Variants in PHF24 observed in about 807,000 individuals in gnomAD.
The protein encoded by PHF24 is PHD finger protein 24.
PHF24 carries 25 observed loss-of-function variants against 42.6 expected under a neutral mutation model. The ratio of observed to expected loss-of-function variants is 0.59; its 90% CI spans 0.43 to 0.82. The LOEUF (loss-of-function observed/expected upper bound fraction) is 0.82. Ranked by LOEUF, PHF24 falls within the 40% of genes least tolerant of loss-of-function variation. The pLI is 0.00. For synonymous variants in PHF24, 185 were observed against 204.8 expected, an observed-to-expected ratio of 0.90 and a Z score of 0.83; for missense variants, 470 against 538.1, an observed-to-expected ratio of 0.87 and a Z score of 1.25.
chr9:34,778,424 G>T, the PHF24 span, among the ~76,000 whole-genome samples: 3 of 152,188 alleles, frequency 2.0e-5, no homozygotes, highest in Non-Finnish European at 4.4e-5. Context: ...TAAAAGGATA[G>T]CATAAGGTGT....
At chr9:34,976,991 G>T (rs1409854006) in intron 5 of PHF24, 92 bp from the exon 6 acceptor site, 3 of 1,396,288 alleles carry the variant, frequency 2.1e-6, no homozygotes, top group Non-Finnish European at 9.7e-7. Context: ...TTCTAAGGGA[G>T]GTTGCAAAGG....
At chr9:34,901,036 A>G in the PHF24 span, among the ~76,000 whole-genome samples, 2 of 152,226 alleles carry the variant, frequency 1.3e-5, no homozygotes, top group Admixed American at 1.3e-4. Flanking sequence ...GAAATAGATA[A>G]CCTGAATGGC....
chr9:34,673,781 C>T, the PHF24 span, among the ~76,000 whole-genome samples: 2 of 152,150 alleles, frequency 1.3e-5, no homozygotes, highest in Non-Finnish European at 1.5e-5. Context: ...GCTGCCAAAC[C>T]TGGCTAATTT....
the PHF24 span, among the ~76,000 whole-genome samples, chr9:34,817,993 A>G: frequency 6.6e-6 from 1 of 152,076 alleles, no homozygotes. Flanking sequence ...TTTTTTTCAA[A>G]TTGTTCATTG....
the PHF24 span, among the ~76,000 whole-genome samples, chr9:34,690,694 C>T: frequency 2.4e-4 from 36 of 152,102 alleles, no homozygotes; most frequent in Non-Finnish European, 5.0e-4. Flanking sequence ...GTGGGAGGGG[C>T]GTGGGGTAGG....
At chr9:34,892,694 G>T in the PHF24 span, 9,194 of 459,142 alleles carry the variant, frequency 0.02, 472 homozygotes, top group African/African-American at 0.13. Context: ...GTTGTTTTTC[G>T]TCCTCTCCTG....
the PHF24 span, among the ~76,000 whole-genome samples, chr9:34,898,964 T>A: frequency 6.6e-6 from 1 of 152,256 alleles, no homozygotes. Context: ...AGCCAAGGGC[T>A]GAGCCAAAAA....
the PHF24 span, among the ~76,000 whole-genome samples, chr9:34,707,645 C>T: frequency 6.6e-6 from 1 of 152,292 alleles, no homozygotes; most frequent in East Asian, 1.9e-4. Flanking sequence ...GTGGCATACT[C>T]AGGCTCCTAC....
chr9:34,889,644 A>T, the PHF24 span: 10 of 398,426 alleles, frequency 2.5e-5, no homozygotes, highest in Non-Finnish European at 4.4e-6. Flanking sequence ...TTCTGGAAGG[A>T]TGATGCTCTT....
chr9:34,672,424 C>T, the PHF24 span, among the ~76,000 whole-genome samples: 2 of 152,094 alleles, frequency 1.3e-5, no homozygotes, highest in African/African-American at 4.8e-5. Flanking sequence ...AGAAGAGCAC[C>T]TGTATCTTAG....
chr9:34,753,145 A>G, the PHF24 span, among the ~76,000 whole-genome samples: 1 of 152,170 alleles, frequency 6.6e-6, no homozygotes, highest in African/African-American at 2.4e-5. Context: ...TGTTTTCACC[A>G]TTGTACTGGA....
At chr9:34,702,426 T>C in the PHF24 span, among the ~76,000 whole-genome samples, 1 of 152,338 alleles carries the variant, frequency 6.6e-6, no homozygotes, top group East Asian at 1.9e-4. Flanking sequence ...AGTTATTCTC[T>C]TAATATTGGA....
chr9:34,775,983 C>T, the PHF24 span, among the ~76,000 whole-genome samples: 1 of 152,172 alleles, frequency 6.6e-6, no homozygotes, highest in Non-Finnish European at 1.5e-5. Context: ...GTAAAAGGAG[C>T]CAGTCAGAGA....
chr9:34,818,520 C>T, the PHF24 span, among the ~76,000 whole-genome samples: 7 of 152,124 alleles, frequency 4.6e-5, no homozygotes, highest in African/African-American at 1.7e-4. Context: ...ATTCCCATGG[C>T]GTACCCCCAC....
the PHF24 span, among the ~76,000 whole-genome samples, chr9:34,685,844 C>G: frequency 1.3e-5 from 2 of 152,294 alleles, no homozygotes; most frequent in African/African-American, 4.8e-5. Flanking sequence ...CCTTGCTGTA[C>G]TGTTCTCCAT....
At chr9:34,718,713 G>C in the PHF24 span, among the ~76,000 whole-genome samples, 1 of 152,234 alleles carries the variant, frequency 6.6e-6, no homozygotes, top group African/African-American at 2.4e-5. Flanking sequence ...CATCCTGTGT[G>C]CCTTGCCTTC....
the PHF24 span, among the ~76,000 whole-genome samples, chr9:34,822,011 G>A: frequency 1.4e-4 from 22 of 152,244 alleles, no homozygotes; most frequent in Non-Finnish European, 2.8e-4. Context: ...TCTTCAAGTA[G>A]TATTATTCCA....
At chr9:34,732,395 A>G in the PHF24 span, among the ~76,000 whole-genome samples, 4 of 152,150 alleles carry the variant, frequency 2.6e-5, no homozygotes, top group Admixed American at 2.0e-4. Context: ...TGCAATTTGT[A>G]TATCTTCTTT....
intron 1 of PHF24, among the ~76,000 whole-genome samples, chr9:34,959,751 G>T (rs570956384): frequency 1.3e-5 from 2 of 152,326 alleles, no homozygotes; most frequent in South Asian, 4.1e-4. Context: ...GCCTCTGGGT[G>T]TGGTTTTTGA....
Sources: allele counts gnomAD v4.1 joint callset (sites outside exome capture counted in the v4.1 genomes callset), GRCh38; gene constraint gnomAD v4.1.1; transcripts MANE v1.5; gene names NCBI Gene and HGNC (gene_info 2026-07-23, HGNC 2026-07-21).